The following SPI1 variants were observed in gnomAD, a reference collection of about 807,000 sequenced individuals.
SPI1 encodes transcription factor PU.1.
A neutral mutation model predicts 30.7 loss-of-function variants in SPI1; 3 were observed. The observed-to-expected ratio is 0.10, with a 90% CI of 0.04 to 0.25. The LOEUF (loss-of-function observed/expected upper bound fraction) is 0.25. Among genes scored for constraint, SPI1 ranks in the 10% least tolerant of loss-of-function variants. The pLI is 1.00. For synonymous variants in SPI1, 169 were observed against 157.1 expected (o/e 1.08, Z -0.56); for missense variants, 261 against 371.5 (o/e 0.70, Z 2.45).
At chr11:47,373,005 G>T (rs577895818) in intron 2 of SPI1, among the ~76,000 whole-genome samples, 1 of 152,170 alleles carries the variant, frequency 6.6e-6, no homozygotes, top group Non-Finnish European at 1.5e-5. Context: ...TGACAGAAGT[G>T]TGTGGGGGTC....
At chr11:47,363,258 C>T (rs528041257) in intron 2 of SPI1, among the ~76,000 whole-genome samples, 3 of 152,324 alleles carry the variant, frequency 2.0e-5, no homozygotes, top group East Asian at 1.9e-4. Context: ...CAGTGGCTCA[C>T]GCCTGTAATC....
At chr11:47,355,867 T>A (rs1189554551) in intron 4 of SPI1, among the ~76,000 whole-genome samples, 3 of 126,834 alleles carry the variant, frequency 2.4e-5, no homozygotes, top group South Asian at 5.4e-4. Context: ...TCCTTACACA[T>A]GCTCACACAT....
intron 4 of SPI1, 122 bp from the exon 5 acceptor site, chr11:47,355,668 C>A (rs866862822): frequency 8.8e-6 from 7 of 798,528 alleles, no homozygotes; most frequent in South Asian, 7.5e-5. Flanking sequence ...GAACGGCTGC[C>A]CCAGCCCGCG....
At chr11:47,355,874 A>T (rs2095907736) in intron 4 of SPI1, among the ~76,000 whole-genome samples, 1 of 150,642 alleles carries the variant, frequency 6.6e-6, no homozygotes, top group South Asian at 2.1e-4. Flanking sequence ...ACATGCTCAC[A>T]CATCACGCCC....
rs377422572 is a variant in SPI1, at chr11:47,362,570, CTTTTTTTTTT to C, written c.143-2540_143-2531del. On this transcript the variant is annotated intron_variant, in intron 2 of 4. Coordinates refer to ENST00000378538, the MANE Select transcript of SPI1 (RefSeq NM_003120.3). ...TGGGTGACAGAGTGAGACCCTGTCT[CTTTTTTTTTT>C]TTTTTTTTTTTCTCTGAGATGAAGT... Among the ~76,000 whole-genome samples, 142 of 108,048 alleles carry C rather than the reference CTTTTTTTTTT, an allele frequency of 1.3e-3. 4 individuals carry two copies. In the South Asian group the frequency reaches 0.025, roughly 19 times the overall value. The allele number at this position is 108,048 out of a possible 152,430, so 70.9% of individuals were successfully genotyped here. A position where few individuals can be genotyped will look rare whatever the true frequency, so the allele number is the denominator to read the frequency against.
chr11:47,356,241 GC>G (rs891871427), intron 4 of SPI1, among the ~76,000 whole-genome samples: 1 of 141,600 alleles, frequency 7.1e-6, no homozygotes, highest in African/African-American at 2.7e-5. Context: ...TCACTAACAT[GC>G]CCCCACACAC....
chr11:47,355,679 C>G (rs1282076486), intron 4 of SPI1, 133 bp from the exon 5 acceptor site: 3 of 711,726 alleles, frequency 4.2e-6, no homozygotes, highest in Non-Finnish European at 6.8e-6. Flanking sequence ...CCAGCCCGCG[C>G]CGGGCGTGCA....
intron 4 of SPI1, among the ~76,000 whole-genome samples, chr11:47,357,013 C>A (rs1265911415): frequency 1.3e-5 from 2 of 151,306 alleles, no homozygotes; most frequent in Non-Finnish European, 2.9e-5. Flanking sequence ...CACTTCCTCA[C>A]ACACCTCACA....
intron 2 of SPI1, among the ~76,000 whole-genome samples, chr11:47,367,610 A>C (rs1024000887): frequency 6.6e-5 from 10 of 151,588 alleles, no homozygotes; most frequent in Admixed American, 5.9e-4. Context: ...TCATTAGGAT[A>C]GCTTCTAGTT....
At chr11:47,357,280 G>A (rs989881847) in intron 4 of SPI1, among the ~76,000 whole-genome samples, 2 of 78,194 alleles carry the variant, frequency 2.6e-5, no homozygotes, top group Non-Finnish European at 5.4e-5. Context: ...ACACCTCACA[G>A]CTGCTCACTT....
intron 2 of SPI1, among the ~76,000 whole-genome samples, chr11:47,362,565 T>G: frequency 7.5e-6 from 1 of 133,934 alleles, no homozygotes. Flanking sequence ...AGTGAGACCC[T>G]GTCTCTTTTT....
chr11:47,377,651 G>A (rs1314015984), intron 1 of SPI1, among the ~76,000 whole-genome samples: 1 of 151,934 alleles, frequency 6.6e-6, no homozygotes, highest in Non-Finnish European at 1.5e-5. Context: ...TCCCAGCCCT[G>A]TCCCCTGCCG....
intron 4 of SPI1, chr11:47,358,611 G>A: frequency 1.4e-6 from 1 of 704,782 alleles, no homozygotes; most frequent in South Asian, 1.5e-5. Context: ...ATGGCACAGA[G>A]AGACACACAC....
At position 47,358,912 on chromosome 11, in the gene SPI1, G is replaced by A. The variant is rs2095916443; in HGVS notation, c.425C>T (p.Pro142Leu). The A allele has an allele frequency of 2.6e-6, 4 of 1,564,110 alleles. No individual in the cohort carries two copies. Among genetic ancestry groups the A allele is most frequent in the Non-Finnish European group, 3.5e-6 (4 of 1,155,270 alleles). Residue 142 changes from proline (P) to leucine (L), a missense_variant, in exon 4 of 5, where the codon CCA becomes CTA. Physicochemically the swap from Pro to Leu is moderately conservative, Grantham distance 98. This residue lies in a region of SPI1 where 106 missense variants were observed against 102.0 expected (regional missense o/e 1.04). Transcript: ENST00000378538. Reference protein sequence around the residue: ...DEEEGERQSPPLEVSDGEADG... With the variant: ...DEEEGERQSPLLEVSDGEADG... ...CGCCTCGCCGTCAGACACCTCCAGT[G>A]GGGGGCTCTGCCGCTCGCCCTCCTC...
chr11:47,369,224 C>T (rs909797454), intron 2 of SPI1, among the ~76,000 whole-genome samples: 2 of 152,180 alleles, frequency 1.3e-5, no homozygotes, highest in Non-Finnish European at 2.9e-5. Context: ...TGCACTCCAG[C>T]CTGGGTGACA....
intron 2 of SPI1, among the ~76,000 whole-genome samples, chr11:47,372,105 CTTTTT>C (rs912143261): frequency 7.1e-6 from 1 of 140,884 alleles, no homozygotes. Flanking sequence ...TTGTCTGATT[CTTTTT>C]TTTTTTTTTT....
At position 47,357,223 on chromosome 11, in the gene SPI1, TCA is replaced by T. The variant is rs554038766; in HGVS notation, c.493+1619_493+1620del. Among the ~76,000 whole-genome samples the T allele has an allele frequency of 5.9e-3, 883 of 149,850 alleles. 7 individuals are homozygous for T. Among genetic ancestry groups the T allele is most frequent in the Non-Finnish European group, 7.1e-3 (478 of 67,468 alleles). On this transcript the variant is annotated intron_variant, in intron 4 of 4. Coordinates refer to ENST00000378538, the MANE Select transcript of SPI1 (RefSeq NM_003120.3). ...CACACATATCTGCACACACACATGC[TCA>T]CACATATGCTCACACATCACACATA...
intron 4 of SPI1, among the ~76,000 whole-genome samples, chr11:47,356,897 C>A (rs950175960): frequency 6.7e-6 from 1 of 149,198 alleles, no homozygotes; most frequent in Non-Finnish European, 1.5e-5. Flanking sequence ...CACACACGCC[C>A]CTGCTCACAC....
chr11:47,356,764 TATG>T (rs749652582), intron 4 of SPI1, among the ~76,000 whole-genome samples: 113 of 144,362 alleles, frequency 7.8e-4, no homozygotes, highest in African/African-American at 2.3e-3. Flanking sequence ...TCCACTCACA[TATG>T]ATCGCACCTA....
Sources: gnomAD v4.1 joint callset for allele counts (sites outside exome capture counted in the v4.1 genomes callset) on GRCh38, gnomAD v4.1.1 for gene constraint, gnomAD v4.1.1 regional missense constraint, MANE v1.5 for transcripts, NCBI Gene and HGNC (gene_info 2026-07-23, HGNC 2026-07-21) for gene names.